The following CDYL variants were observed in gnomAD, a reference collection of about 807,000 sequenced individuals.
CDYL encodes the protein chromodomain Y-like protein.
Under a neutral mutation model 47.3 loss-of-function variants are expected in CDYL, and 8 were observed. That is an observed-to-expected ratio of 0.17 (90% CI 0.10 to 0.31). The LOEUF (loss-of-function observed/expected upper bound fraction) is 0.31. Ranked by LOEUF, CDYL falls within the 10% of genes least tolerant of loss-of-function variation. The probability of loss-of-function intolerance (pLI) is 1.00; values close to 1 mark genes in which losing one functional copy is unlikely to be tolerated. For synonymous variants in CDYL, 266 were observed against 265.0 expected (o/e 1.00, Z -0.04); for missense variants, 471 against 701.4 (o/e 0.67, Z 3.71).
At chr6:4,907,036 T>G (rs1757259286) in intron 2 of CDYL, among the ~76,000 whole-genome samples, 1 of 152,198 alleles carries the variant, frequency 6.6e-6, no homozygotes. Context: ...CCACACTGGG[T>G]TTTCTTGATT....
At chr6:4,826,171 C>T (rs1759976471) in intron 1 of CDYL, among the ~76,000 whole-genome samples, 1 of 152,156 alleles carries the variant, frequency 6.6e-6, no homozygotes, top group Non-Finnish European at 1.5e-5. Flanking sequence ...GCATATTTAC[C>T]TTATGAGCAG....
intron 2 of CDYL, among the ~76,000 whole-genome samples, chr6:4,725,717 C>T (rs541211302): frequency 6.6e-6 from 1 of 152,362 alleles, no homozygotes; most frequent in African/African-American, 2.4e-5. Flanking sequence ...CTGAGGGAAG[C>T]AGCTCCAGCC....
At chr6:4,827,138 A>G (rs966481634) in intron 1 of CDYL, among the ~76,000 whole-genome samples, 3 of 151,990 alleles carry the variant, frequency 2.0e-5, no homozygotes, top group Admixed American at 6.6e-5. Flanking sequence ...CTTGCTTACT[A>G]TTTACATTTA....
At chr6:4,736,862 C>T (rs1166057658) in intron 3 of CDYL, among the ~76,000 whole-genome samples, 1 of 152,170 alleles carries the variant, frequency 6.6e-6, no homozygotes, top group Non-Finnish European at 1.5e-5. Flanking sequence ...CAAATTACAT[C>T]TATCATGTTT....
chr6:4,930,519 A>C (rs1758002291), intron 2 of CDYL, among the ~76,000 whole-genome samples: 1 of 151,802 alleles, frequency 6.6e-6, no homozygotes, highest in Non-Finnish European at 1.5e-5. Context: ...GTCTCCTTTC[A>C]CTCTGGGAAC....
chr6:4,951,567 C>CGT (rs968342522), intron 5 of CDYL, among the ~76,000 whole-genome samples: 1 of 151,752 alleles, frequency 6.6e-6, no homozygotes, highest in African/African-American at 2.4e-5. Flanking sequence ...TCCACTGAGC[C>CGT]GTGTGAGGTG....
At chr6:4,745,795 C>T (rs1414560626) in intron 3 of CDYL, among the ~76,000 whole-genome samples, 1 of 152,112 alleles carries the variant, frequency 6.6e-6, no homozygotes, top group Non-Finnish European at 1.5e-5. Context: ...TTTGATGAGG[C>T]CCAAGCTGAG....
Position 4,953,121 on chromosome 6 carries a change from C to T in CDYL, c.1476+712C>T, listed in dbSNP as rs373339207. On this transcript the variant is annotated intron_variant, in intron 6 of 6. Coordinates refer to ENST00000397588, the MANE Select transcript of CDYL (RefSeq NM_004824.4). ...TAAATAGGCCGGGCACAGTGGCTCA[C>T]GCCTATAATCCCAGCACTTTGGGAG... Among the ~76,000 whole-genome samples the T allele has an allele frequency of 8.5e-4, 129 of 151,512 alleles. 1 individual carries two copies. The highest frequency in any genetic ancestry group is 3.0e-3 in the African/African-American group (124 of 41,424).
intron 1 of CDYL, among the ~76,000 whole-genome samples, chr6:4,820,212 A>G (rs1320059687): frequency 6.6e-6 from 1 of 152,170 alleles, no homozygotes; most frequent in African/African-American, 2.4e-5. Context: ...TAGATTTTAA[A>G]GTGTGGTTTT....
intron 3 of CDYL, chr6:4,734,902 A>G: frequency 2.5e-6 from 4 of 1,606,430 alleles, no homozygotes; most frequent in Non-Finnish European, 3.4e-6. Context: ...GGAAGAGCCC[A>G]TAGGGGAATC....
chr6:4,929,065 G>T (rs758223736), intron 2 of CDYL, among the ~76,000 whole-genome samples: 2 of 152,162 alleles, frequency 1.3e-5, no homozygotes, highest in Admixed American at 6.5e-5. Context: ...TCAGGCTTCT[G>T]TCTGGTATTA....
chr6:4,831,041 G>A (rs1226838353), intron 1 of CDYL, among the ~76,000 whole-genome samples: 2 of 151,932 alleles, frequency 1.3e-5, no homozygotes, highest in Non-Finnish European at 2.9e-5. Context: ...CTTTGCTATT[G>A]TGAATAGTGC....
chr6:4,952,851 T>C (rs1244882160), intron 6 of CDYL, among the ~76,000 whole-genome samples: 4 of 152,032 alleles, frequency 2.6e-5, no homozygotes, highest in Non-Finnish European at 5.9e-5. Flanking sequence ...CACTGCAACC[T>C]CAACCTCCCG....
At chr6:4,775,592 G>T (rs1454508290), upstream of CDYL, among the ~76,000 whole-genome samples, 2 of 151,930 alleles carry the variant, frequency 1.3e-5, no homozygotes, top group Non-Finnish European at 2.9e-5. This position sits in a 1 kb window ranked among gnomAD's most constrained non-coding sequence, Gnocchi z 7.0. Context: ...CCTGGCGTGG[G>T]GGGAGCTGCG....
At chr6:4,827,373 A>T (rs78938494) in intron 1 of CDYL, among the ~76,000 whole-genome samples, 4,038 of 152,030 alleles carry the variant, frequency 0.027, 182 homozygotes, top group African/African-American at 0.092. Flanking sequence ...AATTACTACC[A>T]TTTGTGATTA....
chr6:4,840,523 A>T (rs1325973505), intron 1 of CDYL, among the ~76,000 whole-genome samples: 1 of 152,080 alleles, frequency 6.6e-6, no homozygotes, highest in Admixed American at 6.5e-5. Context: ...ATTCAGTGTT[A>T]TGTTGGCTTT....
At chr6:4,889,613 A>G (rs891904107) in intron 1 of CDYL, among the ~76,000 whole-genome samples, 7 of 152,202 alleles carry the variant, frequency 4.6e-5, no homozygotes, top group Admixed American at 2.6e-4. Flanking sequence ...GTCCATAGAT[A>G]GAGGGTTTTT....
At chr6:4,712,466 G>A (rs1044207618) in intron 1 of CDYL, among the ~76,000 whole-genome samples, 10 of 152,200 alleles carry the variant, frequency 6.6e-5, no homozygotes, top group Admixed American at 4.6e-4. Flanking sequence ...GGTGGCCGCC[G>A]TTCCCACCGG....
At position 4,896,212 on chromosome 6, in the gene CDYL, C is replaced by T. The variant is rs555065162; in HGVS notation, c.691+3833C>T. Among the ~76,000 whole-genome samples, 3 of 152,362 alleles carry T rather than the reference C, an allele frequency of 2.0e-5. 1 individual carries two copies. The South Asian group carries it at 6.2e-4, about 32-fold the overall frequency. ...GCTTGCAGATTAACGAGGAGGAAGT[C>T]TTTCTGGAAGAAAAGCAACTGCAAA... On this transcript the variant is annotated intron_variant, in intron 2 of 6. Coordinates refer to ENST00000397588, the MANE Select transcript of CDYL (RefSeq NM_004824.4).
Sources: allele counts gnomAD v4.1 joint callset (sites outside exome capture counted in the v4.1 genomes callset), GRCh38; gene constraint gnomAD v4.1.1; non-coding constraint Gnocchi (gnomAD v3.1); transcripts MANE v1.5; gene names NCBI Gene and HGNC (gene_info 2026-07-23, HGNC 2026-07-21).